Variants in CABP1 observed in about 807,000 individuals in gnomAD.
CABP1 encodes calcium-binding protein 1.
A neutral mutation model predicts 34.3 loss-of-function variants in CABP1; 17 were observed. That is an observed-to-expected ratio of 0.50 (90% CI 0.34 to 0.74). The LOEUF (loss-of-function observed/expected upper bound fraction) is 0.74, where lower values mean the gene tolerates loss of function less well. Ranked by LOEUF, CABP1 falls within the 30% of genes least tolerant of loss-of-function variation. The probability of loss-of-function intolerance (pLI) is 0.01; values close to 1 mark genes in which losing one functional copy is unlikely to be tolerated. For synonymous variants in CABP1, 198 were observed against 229.2 expected (o/e 0.86, Z 1.23); for missense variants, 373 against 511.1 (o/e 0.73, Z 2.61).
intron 1 of CABP1, among the ~76,000 whole-genome samples, chr12:120,647,182 T>G (rs1481644070): frequency 6.6e-6 from 1 of 152,162 alleles, no homozygotes; most frequent in East Asian, 1.9e-4. Flanking sequence ...CTTGGCCCTT[T>G]AATACCAATG....
chr12:120,647,808 C>G (rs572370085), intron 1 of CABP1, among the ~76,000 whole-genome samples: 20 of 150,558 alleles, frequency 1.3e-4, no homozygotes, highest in Non-Finnish European at 1.5e-4. Context: ...CCTCGAACTC[C>G]TGACCTCAGG....
At chr12:120,659,543 G>A (rs1176598526) in intron 1 of CABP1, 4 of 249,224 alleles carry the variant, frequency 1.6e-5, no homozygotes, top group Non-Finnish European at 3.1e-5. Context: ...GGGTGACAGA[G>A]TGCAATGGCA....
At chr12:120,644,569 C>G (rs1342677706) in intron 1 of CABP1, among the ~76,000 whole-genome samples, 1 of 152,142 alleles carries the variant, frequency 6.6e-6, no homozygotes, top group Non-Finnish European at 1.5e-5. Flanking sequence ...TGCTCCTTAC[C>G]CTGAGCTTGA....
the CABP1 span, among the ~76,000 whole-genome samples, chr12:120,680,142 C>T: frequency 6.6e-6 from 1 of 152,192 alleles, no homozygotes; most frequent in African/African-American, 2.4e-5. Flanking sequence ...CACTGCACTC[C>T]AACCTGGGCA....
intron 1 of CABP1, among the ~76,000 whole-genome samples, chr12:120,649,892 T>C (rs1253104484): frequency 1.3e-5 from 2 of 152,130 alleles, no homozygotes; most frequent in Non-Finnish European, 2.9e-5. Context: ...GAGCCGCAGC[T>C]CTCAATGCAG....
At chr12:120,653,651 A>G (rs1879988422) in intron 1 of CABP1, among the ~76,000 whole-genome samples, 1 of 152,140 alleles carries the variant, frequency 6.6e-6, no homozygotes, top group African/African-American at 2.4e-5. Context: ...TTCCTGCCTC[A>G]GCTTCCCAAG....
intron 1 of CABP1, among the ~76,000 whole-genome samples, chr12:120,651,667 T>G (rs564441211): frequency 2.0e-5 from 3 of 152,296 alleles, no homozygotes. Context: ...CCCAACCCCA[T>G]CCTATCTTGG....
At chr12:120,642,441 C>G (rs1332550026) in intron 1 of CABP1, among the ~76,000 whole-genome samples, 1 of 152,184 alleles carries the variant, frequency 6.6e-6, no homozygotes. Flanking sequence ...AAATACTACT[C>G]GGCAGTGGCT....
the CABP1 span, among the ~76,000 whole-genome samples, chr12:120,676,531 G>A: frequency 8.7e-4 from 133 of 152,090 alleles, no homozygotes; most frequent in South Asian, 8.3e-4. Flanking sequence ...GGGTTGAAGC[G>A]ATTCTCTTGC....
intron 5 of CABP1, among the ~76,000 whole-genome samples, chr12:120,666,017 CAAA>C (rs576836817): frequency 3.3e-5 from 3 of 92,002 alleles, no homozygotes; most frequent in Admixed American, 1.2e-4. Context: ...GACTCTGTCT[CAAA>C]AAAAAAAAAA....
In CABP1 at chr12:120,661,179, G is replaced by T; in HGVS notation, c.1048G>T (p.Asp350Tyr). ...CCGAGACATAGAGGAAATTATCCGA[G>T]ATGTGGACCTCAATGGGGATGGACG... ...GHRDIEEIIR[D>Y]VDLNGDGRVD... The change falls in exon 5 of 6, where the codon GAT (aspartate) becomes TAT (tyrosine). Residue 350 changes from aspartate to tyrosine, a missense_variant. Physicochemically the swap from Asp to Tyr is radical, Grantham distance 160. Around this residue, in one of 4 missense-constraint regions of CABP1, gnomAD observed 109 missense variants for 204.8 expected, o/e 0.53. Transcript: ENST00000316803. The surrounding 1 kb of genome is among the most constrained non-coding windows in gnomAD (Gnocchi z 5.1). 2 of 1,612,288 alleles carry T rather than the reference G, an allele frequency of 1.2e-6. No individual in the cohort carries two copies.
chr12:120,674,142 C>T, the CABP1 span, among the ~76,000 whole-genome samples: 1 of 152,114 alleles, frequency 6.6e-6, no homozygotes, highest in Admixed American at 6.5e-5. Flanking sequence ...CATGTTCGTG[C>T]CACTGCACTC....
rs530657111 is a variant in CABP1 at position 120,643,793 on chromosome 12, C to CGGAGAGAT, written c.654+2455_654+2462dup. On this transcript the variant is annotated intron_variant, in intron 1 of 5. Transcript: ENST00000316803. ...GGTGCTTGGGAGATTAAATGAGATA[C>CGGAGAGAT]GGAGAGATAGAGAGAGCTTGGCCCA... Among the ~76,000 whole-genome samples, 616 of 152,260 alleles carry CGGAGAGAT rather than the reference C, an allele frequency of 4.0e-3. 3 individuals carry two copies. Among genetic ancestry groups the CGGAGAGAT allele is most frequent in the Non-Finnish European group, 5.1e-3 (344 of 68,004 alleles).
chr12:120,672,179 C>G (rs1881272340), downstream of CABP1, among the ~76,000 whole-genome samples: 1 of 152,074 alleles, frequency 6.6e-6, no homozygotes, highest in African/African-American at 2.4e-5. Context: ...TCTGATCATG[C>G]CTTGAGATCC....
the CABP1 span, among the ~76,000 whole-genome samples, chr12:120,675,228 T>A: frequency 6.6e-6 from 1 of 152,108 alleles, no homozygotes; most frequent in Non-Finnish European, 1.5e-5. Context: ...AAATTCTGTA[T>A]TTTTAGTAGA....
the CABP1 span, among the ~76,000 whole-genome samples, chr12:120,679,370 T>C: frequency 1.7e-3 from 264 of 152,302 alleles, 1 homozygote; most frequent in African/African-American, 6.0e-3. Context: ...ATCCCTCAAC[T>C]CTCTGAGCTT....
downstream of CABP1, among the ~76,000 whole-genome samples, chr12:120,670,002 T>C (rs975674958): frequency 3.3e-5 from 5 of 151,888 alleles, no homozygotes; most frequent in East Asian, 7.8e-4. Context: ...CGTTTTTTTT[T>C]CTTTCTTTCT....
downstream of CABP1, among the ~76,000 whole-genome samples, chr12:120,671,200 G>A (rs1881240440): frequency 6.6e-6 from 1 of 152,154 alleles, no homozygotes; most frequent in Non-Finnish European, 1.5e-5. Flanking sequence ...GAGGTCAGGA[G>A]TTCGAGACCA....
At position 120,661,360 on chromosome 12, in the gene CABP1, A is replaced by G; in HGVS notation, c.1087+142A>G. The G allele has an allele frequency of 2.4e-6, 2 of 850,232 alleles. No homozygotes were observed. Among genetic ancestry groups the G allele is most frequent in the Non-Finnish European group, 3.6e-6 (2 of 563,136 alleles). 52.7% of individuals were successfully genotyped at this position (850,232 alleles called of 1,614,324 possible). ...CTTTCATCCTCTTATCCCTCCGTCC[A>G]TGCCCCCGTCTAATCCATCTCCCAT... On this transcript the variant is annotated intron_variant, in intron 5 of 5. Transcript: ENST00000316803. This position sits in a 1 kb window ranked among gnomAD's most constrained non-coding sequence, Gnocchi z 5.1.
Sources: allele counts gnomAD v4.1 joint callset (sites outside exome capture counted in the v4.1 genomes callset), GRCh38; gene constraint gnomAD v4.1.1; regional missense constraint gnomAD v4.1.1; non-coding constraint Gnocchi (gnomAD v3.1); transcripts MANE v1.5; gene names NCBI Gene and HGNC (gene_info 2026-07-23, HGNC 2026-07-21).